MGAT4C: variants seen among roughly 807,000 people sequenced by gnomAD.
MGAT4C encodes the protein alpha-1,3-mannosyl-glycoprotein 4-beta-N-acetylglucosaminyltransferase C.
In MGAT4C, 19 loss-of-function variants were observed where a neutral mutation model predicts 40.1. The ratio of observed to expected loss-of-function variants is 0.47; its 90% CI spans 0.33 to 0.70. The LOEUF (loss-of-function observed/expected upper bound fraction) is 0.70. MGAT4C is among the 30% of genes least tolerant of loss of function. MGAT4C has a pLI of 0.02. For synonymous variants in MGAT4C, 181 were observed against 187.1 expected (o/e 0.97, Z 0.27); for missense variants, 491 against 563.2 (o/e 0.87, Z 1.30).
chr12:86,556,075 A>G (rs1348791553), intron 2 of MGAT4C, among the ~76,000 whole-genome samples: 2 of 152,270 alleles, frequency 1.3e-5, no homozygotes, highest in South Asian at 2.1e-4. Flanking sequence ...TATAAAGACA[A>G]CAAACTTGCT....
At chr12:86,514,536 G>T (rs1958650782) in intron 2 of MGAT4C, among the ~76,000 whole-genome samples, 1 of 152,084 alleles carries the variant, frequency 6.6e-6, no homozygotes, top group African/African-American at 2.4e-5. Flanking sequence ...TTCACTCAGT[G>T]CCTCATTCTT....
intron 2 of MGAT4C, among the ~76,000 whole-genome samples, chr12:86,651,128 A>T (rs1382780304): frequency 5.9e-5 from 9 of 151,920 alleles, no homozygotes; most frequent in Admixed American, 5.9e-4. Context: ...TATATGTAAT[A>T]AGATACGTTA....
At chr12:86,051,534 A>T (rs986019997) in intron 1 of MGAT4C, among the ~76,000 whole-genome samples, 4 of 151,928 alleles carry the variant, frequency 2.6e-5, no homozygotes, top group Non-Finnish European at 5.9e-5. Context: ...ATTCAATTAA[A>T]TAAAAAGTAA....
At chr12:86,194,056 T>C (rs1889821205) in intron 1 of MGAT4C, among the ~76,000 whole-genome samples, 1 of 152,130 alleles carries the variant, frequency 6.6e-6, no homozygotes, top group African/African-American at 2.4e-5. Flanking sequence ...AAATCTTGTA[T>C]GCTTTGTAAT....
At chr12:86,019,234 A>G (rs187934016) in intron 2 of MGAT4C, among the ~76,000 whole-genome samples, 20 of 152,282 alleles carry the variant, frequency 1.3e-4, no homozygotes, top group Non-Finnish European at 2.4e-4. Flanking sequence ...TATAAAATAT[A>G]CTTTGTTAAA....
intron 1 of MGAT4C, among the ~76,000 whole-genome samples, chr12:86,783,583 T>C (rs1240850050): frequency 6.6e-6 from 1 of 152,196 alleles, no homozygotes; most frequent in Non-Finnish European, 1.5e-5. Context: ...TCATTATATG[T>C]ACAGTGCCTG....
At chr12:86,756,182 A>G (rs1051027645) in intron 1 of MGAT4C, among the ~76,000 whole-genome samples, 2 of 152,060 alleles carry the variant, frequency 1.3e-5, no homozygotes, top group African/African-American at 4.8e-5. Context: ...CCATTGTTTC[A>G]AAGTGTTCTT....
At chr12:86,817,941 T>C (rs915781292) in intron 1 of MGAT4C, among the ~76,000 whole-genome samples, 3 of 151,414 alleles carry the variant, frequency 2.0e-5, no homozygotes, top group Non-Finnish European at 3.0e-5. Context: ...ACTGGCATAA[T>C]TCTTATTTTA....
At chr12:86,545,574 TA>T (rs1425802840) in intron 2 of MGAT4C, among the ~76,000 whole-genome samples, 2 of 151,976 alleles carry the variant, frequency 1.3e-5, no homozygotes, top group Non-Finnish European at 2.9e-5. Flanking sequence ...ACTGTTACTA[TA>T]GTGTCAGATT....
At chr12:86,353,029 A>T (rs1249225861) in intron 3 of MGAT4C, among the ~76,000 whole-genome samples, 2 of 144,510 alleles carry the variant, frequency 1.4e-5, no homozygotes, top group African/African-American at 2.5e-5. Context: ...ATAATAAAAT[A>T]AAAAAATAAA....
At chr12:86,030,766 G>A (rs77089757) in intron 2 of MGAT4C, among the ~76,000 whole-genome samples, 3,742 of 151,672 alleles carry the variant, frequency 0.025, 154 homozygotes, top group African/African-American at 0.084. Flanking sequence ...GAATATTCAA[G>A]CCAGAAAAAA....
chr12:86,197,309 C>G (rs1259244294), intron 1 of MGAT4C, among the ~76,000 whole-genome samples: 1 of 152,108 alleles, frequency 6.6e-6, no homozygotes, highest in Non-Finnish European at 1.5e-5. Context: ...TCTTATTTAT[C>G]TGTATATATG....
intron 1 of MGAT4C, among the ~76,000 whole-genome samples, chr12:86,207,192 G>A (rs1018170980): frequency 6.6e-6 from 1 of 151,686 alleles, no homozygotes; most frequent in Non-Finnish European, 1.5e-5. Flanking sequence ...TGAAGAAAGA[G>A]AGGCTCATAT....
chr12:86,282,852 T>C (rs1206563071), intron 4 of MGAT4C, among the ~76,000 whole-genome samples: 3 of 152,144 alleles, frequency 2.0e-5, no homozygotes, highest in Admixed American at 6.6e-5. Context: ...CTATATTGCA[T>C]ATCTTTTCTG....
At position 86,804,268 on chromosome 12, in the gene MGAT4C, G is replaced by C. The variant is rs528383139; in HGVS notation, c.-262+34398C>G. ...ATATCACACTCTGGGGACTGTAGTGGGGTGGGGGGAGGGGGGAGGGATAGC... is the reference window on the plus strand; with the variant it reads ...ATATCACACTCTGGGGACTGTAGTGCGGTGGGGGGAGGGGGGAGGGATAGC... On this transcript the variant is annotated intron_variant, in intron 1 of 7. Coordinates refer to the MGAT4C transcript ENST00000548651. 1.8e-4 allele frequency among the ~76,000 whole-genome samples: 22 copies of C among 121,982 alleles called. No homozygotes were observed. In the South Asian group the frequency reaches 6.5e-3, roughly 36 times the overall value. The allele number at this position is 121,982 out of a possible 152,430, so 80.0% of individuals were successfully genotyped here.
At chr12:86,078,993 G>T (rs1215981500) in intron 1 of MGAT4C, among the ~76,000 whole-genome samples, 1 of 152,154 alleles carries the variant, frequency 6.6e-6, no homozygotes, top group Non-Finnish European at 1.5e-5. Context: ...TATCTTAGTT[G>T]AATTTCTTTT....
At chr12:86,326,802 ATAAT>A (rs1954539154) in intron 4 of MGAT4C, among the ~76,000 whole-genome samples, 1 of 152,188 alleles carries the variant, frequency 6.6e-6, no homozygotes, top group African/African-American at 2.4e-5. Context: ...CAGTTAATAA[ATAAT>A]TAAAGGCAAA....
At chr12:86,753,014 A>C (rs537309370) in intron 1 of MGAT4C, among the ~76,000 whole-genome samples, 7 of 152,284 alleles carry the variant, frequency 4.6e-5, no homozygotes, top group African/African-American at 1.7e-4. Context: ...GAAATACGTT[A>C]CCAAAAGCAT....
chr12:85,990,581 C>A (rs567998721), intron 2 of MGAT4C, among the ~76,000 whole-genome samples: 12 of 152,086 alleles, frequency 7.9e-5, no homozygotes, highest in Admixed American at 3.3e-4. Context: ...AATCTTATCT[C>A]TTCAATGAAT....
Sources: gnomAD v4.1 joint callset for allele counts (sites outside exome capture counted in the v4.1 genomes callset) on GRCh38, gnomAD v4.1.1 for gene constraint, MANE v1.5 for transcripts, NCBI Gene and HGNC (gene_info 2026-07-23, HGNC 2026-07-21) for gene names.